The following CGNL1 variants were observed in gnomAD, a reference collection of about 807,000 sequenced individuals.
CGNL1 encodes cingulin-like protein 1.
In CGNL1, 132 loss-of-function variants were observed where a neutral mutation model predicts 141.2. That is an observed-to-expected ratio of 0.93 (90% CI 0.81 to 1.08). The LOEUF (loss-of-function observed/expected upper bound fraction) is 1.08, where lower values mean the gene tolerates loss of function less well. Ranked by LOEUF, CGNL1 falls within the 50% of genes least tolerant of loss-of-function variation. The pLI, the probability that CGNL1 is intolerant of heterozygous loss-of-function variation, is 0.00. For synonymous variants in CGNL1, 690 were observed against 622.1 expected, an observed-to-expected ratio of 1.11 and a Z score of -1.63; for missense variants, 1,870 against 1,588.6, an observed-to-expected ratio of 1.18 and a Z score of -3.01.
chr15:57,525,247 G>T (rs901284614), intron 12 of CGNL1, among the ~76,000 whole-genome samples: 1 of 152,220 alleles, frequency 6.6e-6, no homozygotes, highest in Non-Finnish European at 1.5e-5. Flanking sequence ...GTATTGAAAT[G>T]ATTAAAACAT....
At chr15:57,479,177 C>A (rs1337986187) in intron 8 of CGNL1, among the ~76,000 whole-genome samples, 3 of 152,118 alleles carry the variant, frequency 2.0e-5, no homozygotes, top group African/African-American at 7.2e-5. Context: ...CTTTATCCAG[C>A]CAACAAATAC....
intron 8 of CGNL1, among the ~76,000 whole-genome samples, chr15:57,469,232 GC>G (rs2063549577): frequency 1.3e-5 from 2 of 151,950 alleles, no homozygotes; most frequent in African/African-American, 4.8e-5. Context: ...AAGAGAGACA[GC>G]TGACCTGAGC....
rs773166198 is a variant in CGNL1 at position 57,438,428 on chromosome 15, G to C, written c.429G>C (p.Leu143=). 2.5e-6 allele frequency: 4 copies of C among 1,614,166 alleles called. No homozygotes were observed. The highest frequency in any genetic ancestry group is 3.4e-6 in the Non-Finnish European group (4 of 1,180,032). The part of the protein sequence containing the change: ...KDGSVKPSHL[L]NFQRHPELLQ... ...GGTCTGTGAAGCCATCTCACCTGCT[G>C]AACTTTCAGAGGCATCCAGAGCTTT... is the stretch of plus-strand genomic sequence containing the variant. Residue 143 remains leucine, a synonymous_variant, in exon 2 of 19, where the codon CTG becomes CTC. Coordinates refer to ENST00000281282, the MANE Select transcript of CGNL1 (RefSeq NM_032866.5).
At chr15:57,384,970 T>G (rs2062466213) in intron 1 of CGNL1, among the ~76,000 whole-genome samples, 3 of 152,240 alleles carry the variant, frequency 2.0e-5, no homozygotes, top group Admixed American at 1.3e-4. Context: ...GCATGCTGTC[T>G]TGTATGCATT....
At chr15:57,509,420 C>T (rs577316376) in intron 8 of CGNL1, among the ~76,000 whole-genome samples, 3 of 152,130 alleles carry the variant, frequency 2.0e-5, no homozygotes, top group South Asian at 2.1e-4. Flanking sequence ...TGTACTGGGT[C>T]GGCACTAGGA....
intron 8 of CGNL1, among the ~76,000 whole-genome samples, chr15:57,464,580 T>C (rs1201656658): frequency 6.6e-6 from 1 of 152,104 alleles, no homozygotes; most frequent in Non-Finnish European, 1.5e-5. Flanking sequence ...CTGTTGAATT[T>C]TTTCAGTGGT....
At position 57,438,111 on chromosome 15, in the gene CGNL1, G is replaced by C. The variant is rs760493042; in HGVS notation, c.112G>C (p.Gly38Arg). 5.0e-6 allele frequency: 8 copies of C among 1,614,124 alleles called. No individual in the cohort carries two copies. The highest frequency in any genetic ancestry group is 6.8e-6 in the Non-Finnish European group (8 of 1,180,022). The change falls in exon 2 of 19, where the codon GGC becomes CGC. Residue 38 changes from glycine to arginine, a missense_variant. By Grantham distance (125) the Gly-to-Arg change is moderately radical. Transcript: ENST00000281282. The stretch of plus-strand genomic sequence containing the variant: ...AAGGAGTTCCCAGAACTCCAAGGCA[G>C]GCTCCTACGGTGTCAGTATTCGGGT... ...KSRSSQNSKA[G>R]SYGVSIRVQG...
intron 8 of CGNL1, among the ~76,000 whole-genome samples, chr15:57,492,219 A>G (rs2063874820): frequency 6.6e-6 from 1 of 152,202 alleles, no homozygotes; most frequent in East Asian, 1.9e-4. Flanking sequence ...GAGACCTGGC[A>G]ATAGGAGGCA....
chr15:57,416,906 G>A (rs578214075), intron 1 of CGNL1, among the ~76,000 whole-genome samples: 1 of 152,316 alleles, frequency 6.6e-6, no homozygotes, highest in Admixed American at 6.5e-5. Flanking sequence ...CCAGAGTTCA[G>A]CTACAATAGT....
chr15:57,550,711 A>T lies in CGNL1; in HGVS notation c.*3221A>T, dbSNP rs772650771. The T allele has an allele frequency of 6.6e-6, 1 of 152,608 alleles. No individual in the cohort carries two copies. The highest frequency in any genetic ancestry group is 2.1e-4 in the South Asian group (1 of 4,828). The allele number at this position is 152,608 out of a possible 1,614,324, so 9.5% of individuals were successfully genotyped here. A position where few individuals can be genotyped will look rare whatever the true frequency, so the allele number is the denominator to read the frequency against. ...TCCTTTCAATAAACGCTGTCACCCA[A>T]TGGGAATTTTGACTCTCCTGTGATT... On this transcript the variant is annotated 3_prime_UTR_variant, in exon 19 of 19. Transcript: ENST00000281282.
chr15:57,382,231 GT>G (rs2062432801), intron 1 of CGNL1, among the ~76,000 whole-genome samples: 1 of 152,168 alleles, frequency 6.6e-6, no homozygotes, highest in Non-Finnish European at 1.5e-5. Flanking sequence ...TTAGAGATGA[GT>G]TTAAAAAAGG....
chr15:57,407,515 A>C lies in CGNL1; in HGVS notation c.-15-30470A>C, dbSNP rs538995302. ...TAGTGACAACCTGTCTCAACAAAAA[A>C]AATTTAAAAATAACCGGGCGTGGTG... On this transcript the variant is annotated intron_variant, in intron 1 of 18. Coordinates refer to ENST00000281282, the MANE Select transcript of CGNL1 (RefSeq NM_032866.5). Among the ~76,000 whole-genome samples, 3 of 152,196 alleles carry C rather than the reference A, an allele frequency of 2.0e-5. No individual in the cohort carries two copies. The South Asian group carries it at 6.2e-4, about 32-fold the overall frequency.
rs111799795 is a variant in CGNL1 at position 57,412,202 on chromosome 15, T to C, written c.-15-25783T>C. Among the ~76,000 whole-genome samples, 396 of 152,332 alleles carry C rather than the reference T, an allele frequency of 2.6e-3. 4 individuals are homozygous for C. Among genetic ancestry groups the C allele is most frequent in the African/African-American group, 9.2e-3 (384 of 41,562 alleles). On this transcript the variant is annotated intron_variant, in intron 1 of 18. Transcript: ENST00000281282. ...TTTATTTCTGTCCCAGGCTGGAGTTTCACAGGCAGTGGATGTTAGTGGGTG... is the reference window on the plus strand; with the variant it reads ...TTTATTTCTGTCCCAGGCTGGAGTTCCACAGGCAGTGGATGTTAGTGGGTG...
chr15:57,504,150 G>A (rs982614179), intron 8 of CGNL1, among the ~76,000 whole-genome samples: 2 of 152,156 alleles, frequency 1.3e-5, no homozygotes, highest in African/African-American at 2.4e-5. Context: ...AGGGTTAGCA[G>A]AATCACTCCT....
At chr15:57,531,123 A>G (rs562121654) in intron 13 of CGNL1, among the ~76,000 whole-genome samples, 10 of 152,302 alleles carry the variant, frequency 6.6e-5, no homozygotes, top group South Asian at 6.2e-4. Context: ...GAAACCACCA[A>G]TTATTATTCT....
In CGNL1 at chr15:57,516,966, GAAACGCTGAAGA is replaced by G; in HGVS notation, c.2592_2603del (p.Thr865_Lys868del). The G allele has an allele frequency of 6.2e-7, 1 of 1,613,366 alleles. No homozygotes were observed. Among genetic ancestry groups the G allele is most frequent in the African/African-American group, 1.3e-5 (1 of 74,618 alleles). On this transcript the variant is annotated inframe_deletion, in exon 9 of 19. Coordinates refer to ENST00000281282, the MANE Select transcript of CGNL1 (RefSeq NM_032866.5). Reference sequence around the variant, plus strand: ...GAAAGGCGATGAAGCCAAGGCGAAGGAAACGCTGAAGAAGTACGAGGTGAGGCTCGCTGGGCC... The same window carrying G: ...GAAAGGCGATGAAGCCAAGGCGAAGGAGTACGAGGTGAGGCTCGCTGGGCC...
At chr15:57,512,352 A>G (rs1208583946) in intron 8 of CGNL1, among the ~76,000 whole-genome samples, 1 of 152,140 alleles carries the variant, frequency 6.6e-6, no homozygotes, top group South Asian at 2.1e-4. Flanking sequence ...AGTTTGTTCT[A>G]TGGGCTTTAT....
At chr15:57,451,310 A>G (rs1706353) in intron 4 of CGNL1, among the ~76,000 whole-genome samples, 190 bp from the exon 5 acceptor site, 151,016 of 152,296 alleles carry the variant, frequency 0.99, 74,886 homozygotes, top group Middle Eastern at 1. Context: ...GTCCCAAGGC[A>G]GGCAGTAACA....
chr15:57,517,926 CTGTG>C (rs142720300), intron 9 of CGNL1, among the ~76,000 whole-genome samples: 2 of 151,454 alleles, frequency 1.3e-5, no homozygotes, highest in African/African-American at 4.9e-5. Flanking sequence ...TTTTATAAAA[CTGTG>C]TGTGTGGGGG....
Sources: allele counts gnomAD v4.1 joint callset (sites outside exome capture counted in the v4.1 genomes callset), GRCh38; gene constraint gnomAD v4.1.1; transcripts MANE v1.5; gene names NCBI Gene and HGNC (gene_info 2026-07-23, HGNC 2026-07-21).